Variants in EIF3F observed in about 807,000 individuals in gnomAD.
The protein encoded by EIF3F is deubiquitinating enzyme eIF3f.
Under a neutral mutation model 36.0 loss-of-function variants are expected in EIF3F, and 8 were observed. The observed-to-expected ratio is 0.22, with a 90% CI of 0.13 to 0.40. The LOEUF (loss-of-function observed/expected upper bound fraction) is 0.40. Ranked by LOEUF, EIF3F falls within the 10% of genes least tolerant of loss-of-function variation. The pLI is 1.00. For missense variants in EIF3F, 430 were observed against 467.6 expected, an observed-to-expected ratio of 0.92 and a Z score of 0.74; for synonymous variants, 184 against 188.5, an observed-to-expected ratio of 0.98 and a Z score of 0.19.
At position 7,999,917 on chromosome 11, in the gene EIF3F, G is replaced by A. The variant is rs1237508554; in HGVS notation, c.*3895G>A. ...CCTAAGTGTCCATCAACAGAAGATA[G>A]ATAGGGCTGAGCGCGGTGGCCCACG... On this transcript the variant is annotated 3_prime_UTR_variant, in exon 8 of 8. Coordinates refer to ENST00000651655, the MANE Select transcript of EIF3F (RefSeq NM_003754.3). 6.6e-6 allele frequency: 1 copy of A among 152,208 alleles called. No individual in the cohort carries two copies. Among genetic ancestry groups the A allele is most frequent in the Non-Finnish European group, 1.5e-5 (1 of 68,058 alleles). 9.4% of individuals were successfully genotyped at this position (152,208 alleles called of 1,614,324 possible).
Position 8,000,971 on chromosome 11 carries a change from TACAC to T in EIF3F, c.*4951_*4954del, listed in dbSNP as rs1942214733. ...AAATCTGAGTGTCAAATTACACACA[TACAC>T]AAATAGTCAATACAAATATAAAACT... On this transcript the variant is annotated 3_prime_UTR_variant, in exon 8 of 8. Coordinates refer to ENST00000651655, the MANE Select transcript of EIF3F (RefSeq NM_003754.3). 6.6e-6 allele frequency: 1 copy of T among 152,160 alleles called. No individual in the cohort carries two copies. The highest frequency in any genetic ancestry group is 1.5e-5 in the Non-Finnish European group (1 of 67,998). The allele number at this position is 152,160 out of a possible 1,614,324, so 9.4% of individuals were successfully genotyped here.
chr11:8,001,408 C>G lies in EIF3F; in HGVS notation c.*5386C>G, dbSNP rs1942219977. On this transcript the variant is annotated 3_prime_UTR_variant, in exon 8 of 8. Transcript: ENST00000651655. ...TACAAATAAACTGGTCTCGTTATGA[C>G]ACAATGTAATGAATACATAGATAAG... 6.6e-6 allele frequency: 1 copy of G among 152,084 alleles called. No homozygotes were observed. Among genetic ancestry groups the G allele is most frequent in the Non-Finnish European group, 1.5e-5 (1 of 68,020 alleles). 9.4% of individuals were successfully genotyped at this position (152,084 alleles called of 1,614,324 possible).
chr11:7,995,356 A>G lies in EIF3F; in HGVS notation c.985A>G (p.Ser329Gly), dbSNP rs745721345. The G allele has an allele frequency of 2.5e-6, 4 of 1,613,832 alleles. No homozygotes were observed. The South Asian group carries it at 4.4e-5, about 18-fold the overall frequency. Reference sequence around the variant, plus strand: ...CGATGACTTTGAGACCATGCTCAACAGCAACATCAATGTGAGTGCCCTTCC... The same window carrying G: ...CGATGACTTTGAGACCATGCTCAACGGCAACATCAATGTGAGTGCCCTTCC... Reference protein sequence around the residue: ...VPDDFETMLNSNINDLLMVTY... With the variant: ...VPDDFETMLNGNINDLLMVTY... Residue 329 changes from serine (S) to glycine (G), a missense_variant, in exon 7 of 8, where the codon AGC becomes GGC. By Grantham distance (56) the Ser-to-Gly change is moderately conservative (BLOSUM62 0). Transcript: ENST00000651655.
In EIF3F at chr11:7,997,415, G is replaced by C. The variant is rs964121499; in HGVS notation, c.*1393G>C. 2.0e-5 allele frequency: 3 copies of C among 152,158 alleles called. No homozygotes were observed. The highest frequency in any genetic ancestry group is 7.2e-5 in the African/African-American group (3 of 41,420). The allele number at this position is 152,158 out of a possible 1,614,324, so 9.4% of individuals were successfully genotyped here. A position where few individuals can be genotyped will look rare whatever the true frequency, so the allele number is the denominator to read the frequency against. ...ATAATCTCTCAATGAATAGTGATGA[G>C]AGATGGTGGGATAATAGGGAAGAAA... On this transcript the variant is annotated 3_prime_UTR_variant, in exon 8 of 8. Transcript: ENST00000651655.
chr11:7,993,065 C>G, intron 4 of EIF3F, 41 bp downstream of exon 4: 3 of 1,513,842 alleles, frequency 2.0e-6, no homozygotes, highest in Non-Finnish European at 2.7e-6. Context: ...AAACCATGCC[C>G]AGATGCCATC....
intron 4 of EIF3F, among the ~76,000 whole-genome samples, chr11:7,993,541 G>A (rs1942123513): frequency 6.6e-6 from 1 of 152,182 alleles, no homozygotes; most frequent in African/African-American, 2.4e-5. Flanking sequence ...TGGTTAAAAT[G>A]CCAGTTATGG....
Position 7,992,131 on chromosome 11 carries a change from A to T in EIF3F, c.483A>T (p.Lys161Asn). 6.2e-7 allele frequency: 1 copy of T among 1,613,762 alleles called. No individual in the cohort carries two copies. The highest frequency in any genetic ancestry group is 2.2e-5 in the East Asian group (1 of 44,882). The part of the protein sequence containing the change: ...EFAKNMYELH[K>N]KVSPNELILG... Reference sequence around the variant, plus strand: ...CTAAGAATATGTATGAACTGCATAAAAAAGTTTCTCCAAATGAGCTCATCC... The same window carrying T: ...CTAAGAATATGTATGAACTGCATAATAAAGTTTCTCCAAATGAGCTCATCC... The change falls in exon 3 of 8, where the codon AAA becomes AAT. Residue 161 changes from lysine (K) to asparagine (N), a missense_variant. Physicochemically the swap from Lys to Asn is moderately conservative, Grantham distance 94. This residue lies in a region of EIF3F where 262 missense variants were observed against 347.4 expected (regional missense o/e 0.75). Coordinates refer to ENST00000651655, the MANE Select transcript of EIF3F (RefSeq NM_003754.3).
chr11:7,994,487 T>C lies in EIF3F; in HGVS notation c.715T>C (p.Tyr239His), dbSNP rs1942138886. The C allele has an allele frequency of 6.2e-7, 1 of 1,613,892 alleles. No individual in the cohort carries two copies. The highest frequency in any genetic ancestry group is 1.1e-5 in the South Asian group (1 of 91,034). The change falls in exon 5 of 8, where the codon TAC becomes CAC. Residue 239 changes from tyrosine to histidine, a missense_variant. Tyr to His is a moderately conservative substitution (Grantham distance 83, BLOSUM62 2). Transcript: ENST00000651655. Reference sequence around the variant, plus strand: ...GATGTTCACGCCTCTGACAGTGAAATACGCGTACTACGACACTGAACGCAT... The same window carrying C: ...GATGTTCACGCCTCTGACAGTGAAACACGCGTACTACGACACTGAACGCAT... ...GVMFTPLTVK[Y>H]AYYDTERIGV... is the part of the protein sequence containing the mutation.
At position 7,995,366 on chromosome 11, in the gene EIF3F, A is replaced by T. The variant is rs771782911; in HGVS notation, c.995A>T (p.Asn332Ile). ...DFETMLNSNI[N>I]DLLMVTYLAN... ...GAGACCATGCTCAACAGCAACATCAATGTGAGTGCCCTTCCTGAGCCCCTT... is the reference window on the plus strand; with the variant it reads ...GAGACCATGCTCAACAGCAACATCATTGTGAGTGCCCTTCCTGAGCCCCTT... Residue 332 changes from asparagine (N) to isoleucine (I), a missense_variant and splice_region_variant, in exon 7 of 8, where the codon AAT becomes ATT. Around this residue, in one of 2 missense-constraint regions of EIF3F, gnomAD observed 262 missense variants for 347.4 expected, o/e 0.75. Coordinates refer to ENST00000651655, the MANE Select transcript of EIF3F (RefSeq NM_003754.3). The T allele has an allele frequency of 1.2e-6, 2 of 1,611,548 alleles. No individual in the cohort carries two copies. The highest frequency in any genetic ancestry group is 1.1e-5 in the South Asian group (1 of 91,004).
Position 7,987,657 on chromosome 11 carries a change from T to C in EIF3F, c.305T>C (p.Ile102Thr), listed in dbSNP as rs923605739. 1.9e-6 allele frequency: 3 copies of C among 1,540,996 alleles called. No individual in the cohort carries two copies. The highest frequency in any genetic ancestry group is 2.6e-6 in the Non-Finnish European group (3 of 1,146,142). ...VRLHPVILAS[I>T]VDSYERRNEG... ...CTGCACCCAGTCATTTTGGCCTCCA[T>C]TGTGGACAGCTACGAGAGACGCAAC... is the stretch of plus-strand genomic sequence containing the variant. The change falls in exon 1 of 8, where the codon ATT (isoleucine) becomes ACT (threonine). Residue 102 changes from isoleucine to threonine, a missense_variant. Ile to Thr is a moderately conservative substitution (Grantham distance 89). This residue lies in a region of EIF3F where 262 missense variants were observed against 347.4 expected (regional missense o/e 0.75). Coordinates refer to ENST00000651655, the MANE Select transcript of EIF3F (RefSeq NM_003754.3).
Position 7,992,610 on chromosome 11 carries a change from A to C in EIF3F, c.516-277A>C, listed in dbSNP as rs1589905537. On this transcript the variant is annotated intron_variant, in intron 3 of 7. Transcript: ENST00000651655. The stretch of plus-strand genomic sequence containing the variant: ...AAAAGGAAAGTGTGTTACCTGTAGG[A>C]ACTGTGAATTCAGTGGGTTTTGCTG... 3 of 495,266 alleles carry C rather than the reference A, an allele frequency of 6.1e-6. No individual in the cohort carries two copies. In the East Asian group the frequency reaches 1.2e-4, roughly 20 times the overall value. 30.7% of individuals were successfully genotyped at this position (495,266 alleles called of 1,614,324 possible). A position where few individuals can be genotyped will look rare whatever the true frequency, so the allele number is the denominator to read the frequency against.
chr11:7,995,541 T>C lies in EIF3F; in HGVS notation c.996+174T>C, dbSNP rs992559739. The stretch of plus-strand genomic sequence containing the variant: ...GAAGGAAGAGGTGTGTTATGCGTGG[T>C]TGGAGACTTCCTTCCTTCTCCCATG... On this transcript the variant is annotated intron_variant, in intron 7 of 7. Coordinates refer to ENST00000651655, the MANE Select transcript of EIF3F (RefSeq NM_003754.3). The C allele has an allele frequency of 6.3e-6, 4 of 633,836 alleles. No homozygotes were observed. The African/African-American group carries it at 7.3e-5, about 12-fold the overall frequency. The allele number at this position is 633,836 out of a possible 1,614,324, so 39.3% of individuals were successfully genotyped here.
Position 7,996,008 on chromosome 11 carries a change from C to T in EIF3F, c.1060C>T (p.Leu354Phe). Residue 354 changes from leucine (L) to phenylalanine (F), a missense_variant, in exon 8 of 8, where the codon CTT (leucine) becomes TTT (phenylalanine). By Grantham distance (22) the Leu-to-Phe change is conservative. Around this residue, in one of 2 missense-constraint regions of EIF3F, gnomAD observed 262 missense variants for 347.4 expected, o/e 0.75. Transcript: ENST00000651655. ...GTCACAGATTGCACTCAATGAAAAACTTGTAAACCTGTGAATGGACCCCAA... is the reference window on the plus strand; with the variant it reads ...GTCACAGATTGCACTCAATGAAAAATTTGTAAACCTGTGAATGGACCCCAA... ...TQSQIALNEK[L>F]VNL The T allele has an allele frequency of 6.2e-7, 1 of 1,613,916 alleles. No individual in the cohort carries two copies. The highest frequency in any genetic ancestry group is 8.5e-7 in the Non-Finnish European group (1 of 1,179,822).
At position 7,991,784 on chromosome 11, in the gene EIF3F, C is replaced by T; in HGVS notation, c.368C>T (p.Thr123Ile). The T allele has an allele frequency of 6.2e-7, 1 of 1,614,204 alleles. No homozygotes were observed. Among genetic ancestry groups the T allele is most frequent in the Non-Finnish European group, 8.5e-7 (1 of 1,180,022 alleles). Reference protein sequence around the residue: ...AARVIGTLLGTVDKHSVEVTN... With the variant: ...AARVIGTLLGIVDKHSVEVTN... Reference sequence around the variant, plus strand: ...TGGACGATTCTCTCTTTCACAGGAACTGTCGACAAACACTCAGTGGAGGTC... The same window carrying T: ...TGGACGATTCTCTCTTTCACAGGAATTGTCGACAAACACTCAGTGGAGGTC... Residue 123 changes from threonine (T) to isoleucine (I), a missense_variant, in exon 2 of 8, where the codon ACT (threonine) becomes ATT (isoleucine). Around this residue, in one of 2 missense-constraint regions of EIF3F, gnomAD observed 262 missense variants for 347.4 expected, o/e 0.75. Coordinates refer to ENST00000651655, the MANE Select transcript of EIF3F (RefSeq NM_003754.3).
intron 4 of EIF3F, 142 bp from the exon 5 acceptor site, chr11:7,994,284 G>A (rs1942136265): frequency 4.0e-5 from 27 of 679,018 alleles, no homozygotes; most frequent in Non-Finnish European, 4.8e-5. Flanking sequence ...GCTCCCATGA[G>A]ACCTCTGGGG....
chr11:7,988,516 G>A (rs552320835), intron 1 of EIF3F, among the ~76,000 whole-genome samples: 2 of 152,202 alleles, frequency 1.3e-5, no homozygotes, highest in Non-Finnish European at 2.9e-5. Context: ...AAATGGAAAA[G>A]CACTAAAGAG....
Position 7,997,944 on chromosome 11 carries a change from C to G in EIF3F, c.*1922C>G, listed in dbSNP as rs895042711. The G allele has an allele frequency of 1.3e-5, 2 of 152,148 alleles. No homozygotes were observed. The highest frequency in any genetic ancestry group is 4.8e-5 in the African/African-American group (2 of 41,424). 9.4% of individuals were successfully genotyped at this position (152,148 alleles called of 1,614,324 possible). A position where few individuals can be genotyped will look rare whatever the true frequency, so the allele number is the denominator to read the frequency against. ...TACTGTATTCGGTATTATAAGTAAT[C>G]TAGAGATGACTTAAAAGTATATGAG... On this transcript the variant is annotated 3_prime_UTR_variant, in exon 8 of 8. Coordinates refer to ENST00000651655, the MANE Select transcript of EIF3F (RefSeq NM_003754.3).
At chr11:7,988,386 C>T (rs1454661524) in intron 1 of EIF3F, among the ~76,000 whole-genome samples, 1 of 152,164 alleles carries the variant, frequency 6.6e-6, no homozygotes, top group Non-Finnish European at 1.5e-5. Flanking sequence ...TGCATTTGGA[C>T]GCAAACAGTT....
chr11:7,996,252 T>C lies in EIF3F; in HGVS notation c.*230T>C, dbSNP rs1042065939. 1.3e-5 allele frequency: 6 copies of C among 462,250 alleles called. No individual in the cohort carries two copies. The highest frequency in any genetic ancestry group is 1.9e-5 in the Non-Finnish European group (5 of 257,994). 28.6% of individuals were successfully genotyped at this position (462,250 alleles called of 1,614,324 possible). On this transcript the variant is annotated 3_prime_UTR_variant, in exon 8 of 8. Coordinates refer to ENST00000651655, the MANE Select transcript of EIF3F (RefSeq NM_003754.3). ...CACAGAAACTAGGAAGTGAATATTG[T>C]AGGTAGAGAAGTTGGTTATGTGTTT...
Sources: gnomAD v4.1 joint callset for allele counts (sites outside exome capture counted in the v4.1 genomes callset) on GRCh38, gnomAD v4.1.1 for gene constraint, gnomAD v4.1.1 regional missense constraint, MANE v1.5 for transcripts, NCBI Gene and HGNC (gene_info 2026-07-23, HGNC 2026-07-21) for gene names.